Variants in MAPK8 observed in about 807,000 individuals in gnomAD.
MAPK8 encodes mitogen-activated protein kinase 8, also known as JUN N-terminal kinase.
Under a neutral mutation model 52.9 loss-of-function variants are expected in MAPK8, and 13 were observed. That is an observed-to-expected ratio of 0.25 (90% CI 0.16 to 0.39). The LOEUF (loss-of-function observed/expected upper bound fraction) is 0.39. MAPK8 is among the 10% of genes least tolerant of loss of function. The pLI, the probability that MAPK8 is intolerant of heterozygous loss-of-function variation, is 1.00. For missense variants in MAPK8, 300 were observed against 519.2 expected (o/e 0.58, Z 4.10); for synonymous variants, 191 against 169.8 (o/e 1.12, Z -0.97).
intron 1 of MAPK8, among the ~76,000 whole-genome samples, chr10:48,363,906 T>C (rs1042548066): frequency 5.3e-5 from 8 of 152,240 alleles, no homozygotes; most frequent in Admixed American, 4.6e-4. Context: ...GTGTTCTTCA[T>C]ATCAGTAGTA....
In MAPK8 at chr10:48,434,669, A is replaced by G. The variant is rs73293535; in HGVS notation, c.1139-215A>G. ...AAAACACATTCATTGAAAGGATAGG[A>G]CTCCACGATTCTAGACATTTTCAGA... is the stretch of plus-strand genomic sequence containing the variant. On this transcript the variant is annotated intron_variant, in intron 11 of 11. Transcript: ENST00000374189. Among the ~76,000 whole-genome samples, 457 of 152,138 alleles carry G rather than the reference A, an allele frequency of 3.0e-3. 4 individuals are homozygous for G. Among genetic ancestry groups the G allele is most frequent in the African/African-American group, 0.011 (445 of 41,524 alleles).
Position 48,413,915 on chromosome 10 carries a change from A to G in MAPK8, c.450+3747A>G, listed in dbSNP as rs1008398946. ...GGATTTTTACCTGCTTTTTTGCTATATAATTTACATGCCATACAATTTATT... is the reference window on the plus strand; with the variant it reads ...GGATTTTTACCTGCTTTTTTGCTATGTAATTTACATGCCATACAATTTATT... On this transcript the variant is annotated intron_variant, in intron 5 of 11. Coordinates refer to ENST00000374189, the MANE Select transcript of MAPK8 (RefSeq NM_001323329.2). 8.4e-5 allele frequency among the ~76,000 whole-genome samples: 12 copies of G among 143,378 alleles called. 1 individual carries two copies. Among genetic ancestry groups the G allele is most frequent in the Non-Finnish European group, 6.1e-5 (4 of 66,006 alleles). The allele number at this position is 143,378 out of a possible 152,430, so 94.1% of individuals were successfully genotyped here.
intron 1 of MAPK8, among the ~76,000 whole-genome samples, chr10:48,372,858 A>G (rs535484097): frequency 1.1e-3 from 171 of 152,258 alleles, no homozygotes; most frequent in African/African-American, 3.9e-3. Context: ...CAGGCCAGCA[A>G]CATTCAAATT....
At chr10:48,388,048 A>G (rs916045306) in intron 1 of MAPK8, among the ~76,000 whole-genome samples, 1 of 152,194 alleles carries the variant, frequency 6.6e-6, no homozygotes, top group Non-Finnish European at 1.5e-5. Flanking sequence ...ACTAAGCTAG[A>G]CTGAAAGGCA....
chr10:48,405,200 T>C (rs2042397847), intron 3 of MAPK8, among the ~76,000 whole-genome samples: 1 of 151,950 alleles, frequency 6.6e-6, no homozygotes, highest in Non-Finnish European at 1.5e-5. Flanking sequence ...GATTATATGA[T>C]TTCCTGTCAT....
rs772820117 is a variant in MAPK8, at chr10:48,410,205, C to G, written c.450+37C>G. On this transcript the variant is annotated intron_variant, in intron 5 of 11. Transcript: ENST00000374189. ...AAACTATCGTCATACTCTTTGTTTT[C>G]TCATTGAGGTGAAATTCATGTAACA... 7 of 1,444,890 alleles carry G rather than the reference C, an allele frequency of 4.8e-6. No homozygotes were observed. The South Asian group carries it at 1.2e-4, about 25-fold the overall frequency. 89.5% of individuals were successfully genotyped at this position (1,444,890 alleles called of 1,614,324 possible). A position where few individuals can be genotyped will look rare whatever the true frequency, so the allele number is the denominator to read the frequency against.
intron 9 of MAPK8, 191 bp downstream of exon 9, chr10:48,426,695 G>A: frequency 1.7e-6 from 1 of 571,694 alleles, no homozygotes; most frequent in Non-Finnish European, 2.9e-6. Flanking sequence ...ACAAAATAAA[G>A]TTACCTCCCA....
At chr10:48,384,195 T>C (rs2041177069) in intron 1 of MAPK8, among the ~76,000 whole-genome samples, 1 of 151,988 alleles carries the variant, frequency 6.6e-6, no homozygotes, top group Non-Finnish European at 1.5e-5. Context: ...GAGGTTGCAG[T>C]GAGCCGAGAT....
At chr10:48,348,349 CTGA>C (rs1322928936) in intron 1 of MAPK8, among the ~76,000 whole-genome samples, 6 of 152,206 alleles carry the variant, frequency 3.9e-5, no homozygotes, top group Non-Finnish European at 7.3e-5. Context: ...TCTATTCACT[CTGA>C]TGATAGTTTC....
chr10:48,372,722 T>C (rs190541206), intron 1 of MAPK8, among the ~76,000 whole-genome samples: 1 of 150,046 alleles, frequency 6.7e-6, no homozygotes, highest in East Asian at 2.0e-4. Context: ...CCAAGAAATA[T>C]GGAACTATGT....
Position 48,388,633 on chromosome 10 carries a change from C to G in MAPK8, c.-49-12979C>G, listed in dbSNP as rs555904528. Among the ~76,000 whole-genome samples the G allele has an allele frequency of 1.1e-3, 172 of 152,280 alleles. 1 individual carries two copies. Among genetic ancestry groups the G allele is most frequent in the Non-Finnish European group, 2.2e-3 (150 of 68,022 alleles). On this transcript the variant is annotated intron_variant, in intron 1 of 11. Transcript: ENST00000374189. ...CAGTTTTAAGAAGATAACCCACACT[C>G]TTATCTGTTTCTTCAGTATATAATC...
chr10:48,396,312 G>T (rs1564577235), intron 1 of MAPK8, among the ~76,000 whole-genome samples: 1 of 152,050 alleles, frequency 6.6e-6, no homozygotes, highest in Non-Finnish European at 1.5e-5. Context: ...CTTCACCAAA[G>T]AGTATATAGA....
rs1487076941 is a variant in MAPK8, at chr10:48,435,955, G to A, written c.*926G>A. 6.6e-6 allele frequency: 1 copy of A among 152,222 alleles called. No homozygotes were observed. Among genetic ancestry groups the A allele is most frequent in the Non-Finnish European group, 1.5e-5 (1 of 68,048 alleles). 9.4% of individuals were successfully genotyped at this position (152,222 alleles called of 1,614,324 possible). A position where few individuals can be genotyped will look rare whatever the true frequency, so the allele number is the denominator to read the frequency against. On this transcript the variant is annotated 3_prime_UTR_variant, in exon 12 of 12. Transcript: ENST00000374189. ...GGTCCCAGCAATGTTCTAGAGTCTG[G>A]TCTTTCCCTTTCCTGCAGCTTCGGG...
intron 1 of MAPK8, among the ~76,000 whole-genome samples, chr10:48,399,873 C>T (rs924528752): frequency 2.6e-5 from 4 of 152,194 alleles, no homozygotes; most frequent in African/African-American, 9.7e-5. Flanking sequence ...AAGGTGAAAA[C>T]ACCATCAACT....
At chr10:48,311,651 T>C (rs1841993072) in intron 1 of MAPK8, among the ~76,000 whole-genome samples, 1 of 152,242 alleles carries the variant, frequency 6.6e-6, no homozygotes, top group African/African-American at 2.4e-5. Flanking sequence ...TCTGTGAAGA[T>C]TGCAGATTTG....
rs376198814 is a variant in MAPK8, at chr10:48,381,940, G to T, written c.-49-19672G>T. On this transcript the variant is annotated intron_variant, in intron 1 of 11. Coordinates refer to ENST00000374189, the MANE Select transcript of MAPK8 (RefSeq NM_001323329.2). ...GGCACCCAAGTATGATTATGAAGGG[G>T]CAGGGCCTATCTGAGTCCTGATTTT... 4.6e-5 allele frequency among the ~76,000 whole-genome samples: 7 copies of T among 152,252 alleles called. No individual in the cohort carries two copies. The South Asian group carries it at 1.5e-3, about 32-fold the overall frequency.
intron 1 of MAPK8, among the ~76,000 whole-genome samples, chr10:48,329,405 TCA>T (rs1173957429): frequency 1.3e-5 from 2 of 152,184 alleles, no homozygotes; most frequent in African/African-American, 4.8e-5. Context: ...TTGGAAGAAT[TCA>T]GAGCGGTGTA....
intron 1 of MAPK8, among the ~76,000 whole-genome samples, chr10:48,378,770 A>G (rs1436804672): frequency 1.3e-5 from 2 of 151,916 alleles, no homozygotes; most frequent in African/African-American, 4.8e-5. Flanking sequence ...ATTTATACTT[A>G]GAAATTTTTT....
In MAPK8 at chr10:48,411,767, T is replaced by G. The variant is rs150637167; in HGVS notation, c.450+1599T>G. On this transcript the variant is annotated intron_variant, in intron 5 of 11. Transcript: ENST00000374189. Reference sequence around the variant, plus strand: ...AAACATAGGATGTCTTACCATTTCCTTCCTTCTCTTCTTTTTTCTTTTCTT... The same window carrying G: ...AAACATAGGATGTCTTACCATTTCCGTCCTTCTCTTCTTTTTTCTTTTCTT... Among the ~76,000 whole-genome samples, 11 of 152,154 alleles carry G rather than the reference T, an allele frequency of 7.2e-5. No individual in the cohort carries two copies. In the East Asian group the frequency reaches 2.1e-3, roughly 29 times the overall value.
Sources: allele counts gnomAD v4.1 joint callset (sites outside exome capture counted in the v4.1 genomes callset), GRCh38; gene constraint gnomAD v4.1.1; transcripts MANE v1.5; gene names NCBI Gene and HGNC (gene_info 2026-07-23, HGNC 2026-07-21).